Variants in CALN1 observed in about 807,000 individuals in gnomAD.
CALN1 encodes calneuron 1.
In CALN1, 17 loss-of-function variants were observed where a neutral mutation model predicts 30.6. The ratio of observed to expected loss-of-function variants is 0.56; its 90% confidence interval spans 0.38 to 0.83. The LOEUF is 0.83. Among genes scored for constraint, CALN1 ranks in the 40% least tolerant of loss-of-function variants. The pLI is 0.00. For missense variants in CALN1, 291 were observed against 354.9 expected, an observed-to-expected ratio of 0.82 and a Z score of 1.45; for synonymous variants, 156 against 131.4, an observed-to-expected ratio of 1.19 and a Z score of -1.28.
intron 5 of CALN1, 23 bp downstream of exon 5, chr7:72,023,634 T>A (rs1380739851): frequency 1.0e-5 from 16 of 1,584,512 alleles, no homozygotes; most frequent in Non-Finnish European, 1.2e-5. Flanking sequence ...AAACTTAGTC[T>A]GAAAAAAAAT....
intron 6 of CALN1, among the ~76,000 whole-genome samples, chr7:71,795,965 C>T (rs964141591): frequency 3.3e-5 from 5 of 151,182 alleles, no homozygotes; most frequent in African/African-American, 9.7e-5. Context: ...ACTACAGGCA[C>T]CCGCCACCAC....
intron 4 of CALN1, among the ~76,000 whole-genome samples, chr7:72,036,023 C>A (rs1351117225): frequency 6.6e-6 from 1 of 152,186 alleles, no homozygotes; most frequent in Admixed American, 6.5e-5. Flanking sequence ...TGTTGCAGGG[C>A]AAGTCTAGTC....
At chr7:71,906,788 C>T (rs1214075383) in intron 5 of CALN1, among the ~76,000 whole-genome samples, 1 of 152,206 alleles carries the variant, frequency 6.6e-6, no homozygotes, top group Admixed American at 6.5e-5. Flanking sequence ...ACCCTCATTT[C>T]CAGAACAAAA....
At chr7:71,933,934 G>C (rs564807229) in intron 5 of CALN1, among the ~76,000 whole-genome samples, 3 of 152,246 alleles carry the variant, frequency 2.0e-5, no homozygotes, top group Admixed American at 2.0e-4. Context: ...AACACAAAAG[G>C]GGTGGCAAAG....
At chr7:72,220,848 G>C (rs1000152913) in intron 3 of CALN1, among the ~76,000 whole-genome samples, 8 of 152,200 alleles carry the variant, frequency 5.3e-5, no homozygotes, top group African/African-American at 1.4e-4. Flanking sequence ...CTTCTTCTGA[G>C]AAGTGTCTGT....
At chr7:71,967,995 C>T (rs1017375907) in intron 5 of CALN1, among the ~76,000 whole-genome samples, 2 of 152,180 alleles carry the variant, frequency 1.3e-5, no homozygotes, top group Non-Finnish European at 2.9e-5. Flanking sequence ...TAAAGTTAAA[C>T]ATACATTTCT....
intron 1 of CALN1, among the ~76,000 whole-genome samples, chr7:72,404,414 AAAC>A (rs1806560051): frequency 6.6e-6 from 1 of 152,150 alleles, no homozygotes; most frequent in Non-Finnish European, 1.5e-5. Context: ...AGGTAAAAAC[AAAC>A]AATAATAAAG....
chr7:72,327,451 T>C (rs539758019), intron 2 of CALN1, among the ~76,000 whole-genome samples: 54 of 152,350 alleles, frequency 3.5e-4, no homozygotes, highest in African/African-American at 1.3e-3. Context: ...ATCACGGCAC[T>C]GCACTCCAGC....
intron 2 of CALN1, among the ~76,000 whole-genome samples, chr7:72,298,730 C>A (rs1459024264): frequency 6.6e-6 from 1 of 150,722 alleles, no homozygotes; most frequent in African/African-American, 2.4e-5. Context: ...TGGGAGGTGA[C>A]TGAATTATGG....
At chr7:72,005,734 T>C (rs1171368538) in intron 5 of CALN1, among the ~76,000 whole-genome samples, 1 of 151,918 alleles carries the variant, frequency 6.6e-6, no homozygotes, top group Non-Finnish European at 1.5e-5. Flanking sequence ...TCCATTTATA[T>C]ACAATTTTTG....
the CALN1 span, among the ~76,000 whole-genome samples, chr7:72,473,387 C>T: frequency 3.9e-5 from 6 of 152,068 alleles, no homozygotes; most frequent in Non-Finnish European, 8.8e-5. Flanking sequence ...CCCTCATCCC[C>T]TCCCAGCTTT....
chr7:72,154,973 C>T (rs543808738), intron 3 of CALN1, among the ~76,000 whole-genome samples: 6 of 151,962 alleles, frequency 3.9e-5, no homozygotes, highest in East Asian at 1.9e-4. Context: ...GGGAGGATTG[C>T]TTGAGCCCAG....
At chr7:72,164,349 C>CAAAAA (rs71531792) in intron 3 of CALN1, among the ~76,000 whole-genome samples, 3 of 117,434 alleles carry the variant, frequency 2.6e-5, no homozygotes, top group African/African-American at 3.2e-5. Flanking sequence ...AACACTCCGT[C>CAAAAA]AAAAAAAAAA....
At chr7:72,205,551 A>AAAAATATACATATAT in intron 3 of CALN1, among the ~76,000 whole-genome samples, 1 of 83,052 alleles carries the variant, frequency 1.2e-5, no homozygotes, top group South Asian at 4.8e-4. Context: ...GCAAAAAAAA[A>AAAAATATACATATAT]ATATATATAT....
At chr7:72,461,047 C>T in the CALN1 span, among the ~76,000 whole-genome samples, 2 of 152,198 alleles carry the variant, frequency 1.3e-5, no homozygotes, top group Admixed American at 6.5e-5. Context: ...TCCTTCTCTC[C>T]ATCCCATTCC....
intron 5 of CALN1, among the ~76,000 whole-genome samples, chr7:71,997,022 G>C (rs1799286232): frequency 6.6e-6 from 1 of 152,112 alleles, no homozygotes; most frequent in Non-Finnish European, 1.5e-5. Context: ...GAGGCCAGGA[G>C]TTCAAGACCA....
chr7:71,831,526 A>T (rs1340633335), intron 5 of CALN1, among the ~76,000 whole-genome samples: 1 of 152,132 alleles, frequency 6.6e-6, no homozygotes, highest in African/African-American at 2.4e-5. Context: ...CAATAATATG[A>T]TAAGAATAAC....
chr7:72,408,763 A>G (rs570313618), intron 1 of CALN1, among the ~76,000 whole-genome samples: 38 of 135,786 alleles, frequency 2.8e-4, no homozygotes, highest in Non-Finnish European at 5.2e-4. Context: ...TGCAGCCTCA[A>G]CCTCCCGGGC....
At chr7:72,318,350 C>T (rs532855414) in intron 2 of CALN1, among the ~76,000 whole-genome samples, 18 of 152,314 alleles carry the variant, frequency 1.2e-4, no homozygotes, top group Non-Finnish European at 2.4e-4. Context: ...AATAGTGTCT[C>T]AACTATTATC....
Sources: allele counts gnomAD v4.1 joint callset (sites outside exome capture counted in the v4.1 genomes callset), GRCh38; gene constraint gnomAD v4.1.1; transcripts MANE v1.5; gene names NCBI Gene and HGNC (gene_info 2026-07-23, HGNC 2026-07-21).